The following COL21A1 variants were observed in gnomAD, a reference collection of about 807,000 sequenced individuals.
The protein encoded by COL21A1 is collagen alpha-1(XXI) chain.
A neutral mutation model predicts 137.9 loss-of-function variants in COL21A1; 149 were observed. The observed-to-expected ratio is 1.08, with a 90% CI of 0.95 to 1.24. The LOEUF (loss-of-function observed/expected upper bound fraction) is 1.24. Ranked by LOEUF, COL21A1 falls within the 50% of genes most tolerant of loss-of-function variation. COL21A1 has a pLI of 0.00. For missense variants in COL21A1, 1,167 were observed against 1,158.4 expected, an observed-to-expected ratio of 1.01 and a Z score of -0.11; for synonymous variants, 456 against 391.5, an observed-to-expected ratio of 1.16 and a Z score of -1.95.
intron 1 of COL21A1, among the ~76,000 whole-genome samples, chr6:56,342,286 T>C (rs557943895): frequency 3.9e-5 from 6 of 152,334 alleles, no homozygotes; most frequent in African/African-American, 1.2e-4. Flanking sequence ...TGGTTTCTAT[T>C]ACAAAAACTC....
chr6:56,157,075 A>AAAG (rs1285481109), intron 9 of COL21A1, 126 bp from the exon 10 acceptor site: 1 of 628,126 alleles, frequency 1.6e-6, no homozygotes, highest in Admixed American at 3.1e-5. Context: ...ACAAAAGTAA[A>AAAG]AAAAAAAAGC....
At chr6:56,236,310 G>A (rs1781894584) in intron 1 of COL21A1, among the ~76,000 whole-genome samples, 2 of 152,008 alleles carry the variant, frequency 1.3e-5, no homozygotes, top group South Asian at 4.1e-4. Context: ...ACTCCAGGGA[G>A]AAGTTTTTCA....
intron 3 of COL21A1, among the ~76,000 whole-genome samples, chr6:56,178,092 C>T (rs1777630874): frequency 6.6e-6 from 1 of 151,960 alleles, no homozygotes; most frequent in Admixed American, 6.6e-5. Context: ...AAATACAGAT[C>T]CACAGAAAAA....
intron 1 of COL21A1, among the ~76,000 whole-genome samples, chr6:56,246,829 T>C (rs1782673084): frequency 6.6e-6 from 1 of 151,984 alleles, no homozygotes; most frequent in South Asian, 2.1e-4. Flanking sequence ...GACTGCACTT[T>C]GGAATCACCT....
intron 9 of COL21A1, among the ~76,000 whole-genome samples, chr6:56,163,653 G>A (rs1034103324): frequency 1.3e-5 from 2 of 151,226 alleles, no homozygotes; most frequent in Non-Finnish European, 2.9e-5. Context: ...AGCTTGCAGT[G>A]AGCCCAGATT....
rs538710087 is a variant in COL21A1 at position 56,227,866 on chromosome 6, T to C, written c.-39+19521A>G. ...CTTGGTGGAGTGAATACCTAGTTCCTGGCTGGCTGAGAGGAAATGGGTACA... is the reference window on the plus strand; with the variant it reads ...CTTGGTGGAGTGAATACCTAGTTCCCGGCTGGCTGAGAGGAAATGGGTACA... On this transcript the variant is annotated intron_variant, in intron 1 of 29. Transcript: ENST00000244728. Among the ~76,000 whole-genome samples, 4 of 152,096 alleles carry C rather than the reference T, an allele frequency of 2.6e-5. No individual in the cohort carries two copies. In the East Asian group the frequency reaches 7.8e-4, roughly 29 times the overall value.
At chr6:56,136,842 C>G (rs1774042467) in intron 12 of COL21A1, among the ~76,000 whole-genome samples, 1 of 152,076 alleles carries the variant, frequency 6.6e-6, no homozygotes, top group Admixed American at 6.6e-5. Context: ...TGAACTATCC[C>G]TCTTCCCTAG....
At chr6:56,272,341 T>C (rs1763548597) in intron 1 of COL21A1, among the ~76,000 whole-genome samples, 1 of 152,222 alleles carries the variant, frequency 6.6e-6, no homozygotes, top group African/African-American at 2.4e-5. Flanking sequence ...GAATGGAGCC[T>C]GTGGCCCTTT....
chr6:56,221,095 C>T (rs912829793), intron 1 of COL21A1, among the ~76,000 whole-genome samples: 2 of 152,148 alleles, frequency 1.3e-5, no homozygotes, highest in African/African-American at 2.4e-5. Flanking sequence ...TTTGAAACCA[C>T]ATTAACTCTT....
chr6:56,318,190 C>T (rs1317594002), intron 1 of COL21A1, among the ~76,000 whole-genome samples: 2 of 152,038 alleles, frequency 1.3e-5, no homozygotes, highest in Non-Finnish European at 2.9e-5. Context: ...ATTATTTTTC[C>T]CTTGCATACA....
At chr6:56,328,336 G>A (rs189413099) in intron 1 of COL21A1, among the ~76,000 whole-genome samples, 5 of 152,042 alleles carry the variant, frequency 3.3e-5, no homozygotes, top group South Asian at 2.1e-4. Flanking sequence ...TAGGTACAAC[G>A]CAGAACAGCT....
intron 16 of COL21A1, 89 bp downstream of exon 16, chr6:56,123,973 A>T (rs1772780903): frequency 8.5e-7 from 1 of 1,183,002 alleles, no homozygotes. Context: ...ACATGTTAAA[A>T]AATTTTAATA....
chr6:56,071,112 G>C (rs1212112972), intron 20 of COL21A1, among the ~76,000 whole-genome samples: 2 of 151,472 alleles, frequency 1.3e-5, no homozygotes, highest in African/African-American at 2.4e-5. Context: ...ACAGGTGGGA[G>C]ACATGTACTT....
In COL21A1 at chr6:56,098,660, TATATAA is replaced by T. The variant is rs1337145716; in HGVS notation, c.1812+2806_1812+2811del. Among the ~76,000 whole-genome samples, 138 of 31,898 alleles carry T rather than the reference TATATAA, an allele frequency of 4.3e-3. 30 individuals are homozygous for T. Among genetic ancestry groups the T allele is most frequent in the African/African-American group, 0.014 (129 of 9,032 alleles). 20.9% of individuals were successfully genotyped at this position (31,898 alleles called of 152,430 possible). A position where few individuals can be genotyped will look rare whatever the true frequency, so the allele number is the denominator to read the frequency against. On this transcript the variant is annotated intron_variant, in intron 17 of 29. Coordinates refer to ENST00000244728, the MANE Select transcript of COL21A1 (RefSeq NM_030820.4). ...ATAAATATATATAAATATATAAATA[TATATAA>T]ATATATATATAAATATATATAAATA...
rs186113502 is a variant in COL21A1, at chr6:56,344,794, C to A, written c.-39+49177G>T. Among the ~76,000 whole-genome samples the A allele has an allele frequency of 6.9e-4, 105 of 152,104 alleles. 1 individual carries two copies. The highest frequency in any genetic ancestry group is 2.4e-3 in the African/African-American group (98 of 41,478). On this transcript the variant is annotated intron_variant, in intron 1 of 28. Coordinates refer to the COL21A1 transcript ENST00000370819. ...GTTGTTTAAAAGTGTGTAGCACCTC[C>A]CCCTTCTCTTTCTTTTCCTCCTGCT... is the stretch of plus-strand genomic sequence containing the variant.
intron 16 of COL21A1, among the ~76,000 whole-genome samples, chr6:56,109,636 A>G (rs1002914723): frequency 1.3e-5 from 2 of 151,962 alleles, no homozygotes; most frequent in Non-Finnish European, 2.9e-5. Flanking sequence ...TTTCAATTGT[A>G]AAGTATCAAT....
intron 17 of COL21A1, among the ~76,000 whole-genome samples, chr6:56,081,513 A>C (rs1022723828): frequency 4.6e-5 from 7 of 151,776 alleles, no homozygotes; most frequent in South Asian, 2.1e-4. Context: ...AGTATTAAAT[A>C]TATTTGTAGT....
intron 3 of COL21A1, among the ~76,000 whole-genome samples, chr6:56,172,469 T>C (rs1479736685): frequency 2.0e-5 from 3 of 152,190 alleles, no homozygotes; most frequent in Admixed American, 2.0e-4. Flanking sequence ...AAGACTTTTC[T>C]AGATAAACAC....
At chr6:56,245,793 A>T (rs1049396599) in intron 1 of COL21A1, among the ~76,000 whole-genome samples, 3 of 152,184 alleles carry the variant, frequency 2.0e-5, no homozygotes, top group Admixed American at 6.5e-5. Flanking sequence ...TTTCCCCCAG[A>T]TTCTCTAAAT....
Sources: gnomAD v4.1 joint callset for allele counts (sites outside exome capture counted in the v4.1 genomes callset) on GRCh38, gnomAD v4.1.1 for gene constraint, MANE v1.5 for transcripts, NCBI Gene and HGNC (gene_info 2026-07-23, HGNC 2026-07-21) for gene names.